VTI1A: variants seen among roughly 807,000 people sequenced by gnomAD.
VTI1A encodes vesicle transport through interaction with t-SNAREs 1A.
Under a neutral mutation model 34.9 loss-of-function variants are expected in VTI1A, and 22 were observed. The ratio of observed to expected loss-of-function variants is 0.63; its 90% CI spans 0.45 to 0.90. VTI1A has a LOEUF of 0.90. Ranked by LOEUF, VTI1A falls within the 40% of genes least tolerant of loss-of-function variation. The pLI is 0.00. For missense variants in VTI1A, 268 were observed against 275.6 expected, an observed-to-expected ratio of 0.97 and a Z score of 0.20; for synonymous variants, 87 against 97.3, an observed-to-expected ratio of 0.89 and a Z score of 0.62.
chr10:112,732,025 C>T (rs758583588), intron 7 of VTI1A, among the ~76,000 whole-genome samples: 1 of 150,498 alleles, frequency 6.6e-6, no homozygotes, highest in South Asian at 2.2e-4. Context: ...TACCCTTTAC[C>T]GAATCACCTT....
chr10:112,671,222 A>G (rs1214238307), intron 7 of VTI1A, among the ~76,000 whole-genome samples: 1 of 152,142 alleles, frequency 6.6e-6, no homozygotes, highest in Non-Finnish European at 1.5e-5. Context: ...TATGGCTTTC[A>G]CTTCCAGCCC....
intron 7 of VTI1A, among the ~76,000 whole-genome samples, chr10:112,806,094 C>G: frequency 6.6e-6 from 1 of 152,086 alleles, no homozygotes; most frequent in Non-Finnish European, 1.5e-5. Context: ...GTGGATGTGG[C>G]TCCTCAGTTC....
At chr10:112,486,155 C>T (rs1848618965) in intron 3 of VTI1A, among the ~76,000 whole-genome samples, 6 of 152,114 alleles carry the variant, frequency 3.9e-5, no homozygotes, top group Admixed American at 3.3e-4. Flanking sequence ...GTTTAGAATG[C>T]CATGTAGCAC....
chr10:112,461,348 G>C (rs1847722015), intron 2 of VTI1A, among the ~76,000 whole-genome samples: 1 of 152,198 alleles, frequency 6.6e-6, no homozygotes, highest in Admixed American at 6.5e-5. Context: ...GGCTCAGACA[G>C]AGTCCTCAGG....
intron 3 of VTI1A, among the ~76,000 whole-genome samples, chr10:112,501,571 T>C (rs1269468052): frequency 6.6e-6 from 1 of 152,204 alleles, no homozygotes; most frequent in African/African-American, 2.4e-5. Flanking sequence ...AAGAATGCTA[T>C]ATTAATAGTC....
At chr10:112,474,443 T>G (rs1380715020) in intron 3 of VTI1A, among the ~76,000 whole-genome samples, 1 of 151,908 alleles carries the variant, frequency 6.6e-6, no homozygotes, top group Non-Finnish European at 1.5e-5. Flanking sequence ...TTCATTTTCT[T>G]TTCTTCATTC....
intron 3 of VTI1A, among the ~76,000 whole-genome samples, chr10:112,508,262 CG>C (rs1849497994): frequency 6.6e-6 from 1 of 152,118 alleles, no homozygotes; most frequent in African/African-American, 2.4e-5. Context: ...CTCATCTTTA[CG>C]AAGTGTATTT....
chr10:112,629,386 C>G (rs1391207968), intron 5 of VTI1A, among the ~76,000 whole-genome samples: 1 of 152,234 alleles, frequency 6.6e-6, no homozygotes, highest in East Asian at 1.9e-4. Context: ...CGTCATTCTT[C>G]CCATTCCCTG....
intron 4 of VTI1A, among the ~76,000 whole-genome samples, chr10:112,535,141 A>G (rs949090223): frequency 2.0e-5 from 3 of 152,166 alleles, no homozygotes; most frequent in Non-Finnish European, 4.4e-5. Context: ...TTATGCCTGT[A>G]GCAGCAGTTT....
intron 7 of VTI1A, among the ~76,000 whole-genome samples, chr10:112,725,721 G>T (rs920477472): frequency 9.9e-5 from 15 of 152,180 alleles, no homozygotes; most frequent in Non-Finnish European, 1.8e-4. Flanking sequence ...CAGCATAAAT[G>T]CCTCTGTTTA....
intron 3 of VTI1A, among the ~76,000 whole-genome samples, chr10:112,479,541 A>T (rs983035359): frequency 2.0e-5 from 3 of 152,188 alleles, no homozygotes; most frequent in Non-Finnish European, 4.4e-5. Flanking sequence ...GAAGAGACTC[A>T]AAGTCCTCAC....
At chr10:112,711,010 A>G (rs1330077125) in intron 7 of VTI1A, among the ~76,000 whole-genome samples, 1 of 152,366 alleles carries the variant, frequency 6.6e-6, no homozygotes, top group Admixed American at 6.5e-5. Flanking sequence ...GAGAAGCTGA[A>G]TAGTAATAAC....
rs1366124994 is a variant in VTI1A at position 112,585,228 on chromosome 10, G to C, written c.427+46898G>C. The stretch of plus-strand genomic sequence containing the variant: ...CGCAGACAGTACGAGACATGAATGG[G>C]CGAGGTGCACCACTGTTATGAATCA... On this transcript the variant is annotated intron_variant, in intron 5 of 7. Coordinates refer to ENST00000393077, the MANE Select transcript of VTI1A (RefSeq NM_145206.4). Among the ~76,000 whole-genome samples, 6 of 152,272 alleles carry C rather than the reference G, an allele frequency of 3.9e-5. No homozygotes were observed. In the East Asian group the frequency reaches 1.2e-3, roughly 29 times the overall value.
At chr10:112,793,358 G>A (rs1334250156) in intron 7 of VTI1A, among the ~76,000 whole-genome samples, 1 of 152,202 alleles carries the variant, frequency 6.6e-6, no homozygotes, top group Non-Finnish European at 1.5e-5. Flanking sequence ...TTTCCTATCA[G>A]TGCATGTTAG....
At chr10:112,546,087 CGTATGTGTGTATATACGT>C (rs1851103557) in intron 5 of VTI1A, among the ~76,000 whole-genome samples, 1 of 146,480 alleles carries the variant, frequency 6.8e-6, no homozygotes, top group Non-Finnish European at 1.5e-5. Context: ...CGTGTATACG[CGTATGTGTGTATATACGT>C]GTATACACGT....
chr10:112,747,408 A>G (rs1056798032), intron 7 of VTI1A, among the ~76,000 whole-genome samples: 1 of 152,198 alleles, frequency 6.6e-6, no homozygotes, highest in African/African-American at 2.4e-5. Context: ...TATATCCTAT[A>G]GTGCCTAGGC....
In VTI1A at chr10:112,787,383, T is replaced by C. The variant is rs1359076010; in HGVS notation, c.561-27907T>C. Reference sequence around the variant, plus strand: ...TGATTTTTCTCTATTATTTTCTACTTTCTATTGTATTAATTTCTGCTCTAA... The same window carrying C: ...TGATTTTTCTCTATTATTTTCTACTCTCTATTGTATTAATTTCTGCTCTAA... On this transcript the variant is annotated intron_variant, in intron 7 of 7. Coordinates refer to ENST00000393077, the MANE Select transcript of VTI1A (RefSeq NM_145206.4). Among the ~76,000 whole-genome samples, 3 of 152,124 alleles carry C rather than the reference T, an allele frequency of 2.0e-5. No individual in the cohort carries two copies. The East Asian group carries it at 5.8e-4, about 29-fold the overall frequency.
At chr10:112,726,969 A>G (rs1277598983) in intron 7 of VTI1A, among the ~76,000 whole-genome samples, 1 of 152,206 alleles carries the variant, frequency 6.6e-6, no homozygotes, top group Non-Finnish European at 1.5e-5. Context: ...TCATAAATGT[A>G]GAAACTGAGA....
At chr10:112,497,480 T>G (rs1849069972) in intron 3 of VTI1A, among the ~76,000 whole-genome samples, 1 of 152,186 alleles carries the variant, frequency 6.6e-6, no homozygotes, top group Non-Finnish European at 1.5e-5. Flanking sequence ...AATGTCTGCC[T>G]CAAAGGATTA....
Sources: allele counts gnomAD v4.1 joint callset (sites outside exome capture counted in the v4.1 genomes callset), GRCh38; gene constraint gnomAD v4.1.1; transcripts MANE v1.5; gene names NCBI Gene and HGNC (gene_info 2026-07-23, HGNC 2026-07-21).